Variants in UBE2E1 observed in about 807,000 individuals in gnomAD.
UBE2E1 encodes the protein ubiquitin-conjugating enzyme E2 E1.
Under a neutral mutation model 21.4 loss-of-function variants are expected in UBE2E1, and 6 were observed. That is an observed-to-expected ratio of 0.28 (90% CI 0.15 to 0.55). UBE2E1 has a LOEUF of 0.55. UBE2E1 is among the 20% of genes least tolerant of loss of function. The pLI is 0.93. For missense variants in UBE2E1, 142 were observed against 236.5 expected (o/e 0.60, Z 2.62); for synonymous variants, 87 against 82.7 (o/e 1.05, Z -0.28).
chr3:23,835,438 GCCTGAGCCACAGAACAAGACC>G lies in UBE2E1; in HGVS notation c.203+23929_203+23949del, dbSNP rs147971720. Among the ~76,000 whole-genome samples, 852 of 152,160 alleles carry G rather than the reference GCCTGAGCCACAGAACAAGACC, an allele frequency of 5.6e-3. 7 individuals carry two copies. Among genetic ancestry groups the G allele is most frequent in the African/African-American group, 0.019 (795 of 41,472 alleles). On this transcript the variant is annotated intron_variant, in intron 3 of 5. Coordinates refer to ENST00000306627, the MANE Select transcript of UBE2E1 (RefSeq NM_003341.5). Reference sequence around the variant, plus strand: ...GCTAGGATCATGCCAGTACACTCCAGCCTGAGCCACAGAACAAGACCTGCCTCAAAACAAAAACCAGAACAA... The same window carrying G: ...GCTAGGATCATGCCAGTACACTCCAGTGCCTCAAAACAAAAACCAGAACAA...
chr3:23,814,349 T>C lies in UBE2E1; in HGVS notation c.203+2839T>C, dbSNP rs377079044. On this transcript the variant is annotated intron_variant, in intron 3 of 5. Transcript: ENST00000306627. ...ATTAAATTCTTAATGTTGTATATTA[T>C]GTTGGGTGGATATTTTTTAGAACAC... Among the ~76,000 whole-genome samples, 20 of 152,256 alleles carry C rather than the reference T, an allele frequency of 1.3e-4. No homozygotes were observed. In the East Asian group the frequency reaches 1.5e-3, roughly 12 times the overall value.
intron 4 of UBE2E1, among the ~76,000 whole-genome samples, chr3:23,888,703 A>G: frequency 6.6e-6 from 1 of 151,102 alleles, no homozygotes; most frequent in South Asian, 2.1e-4. Context: ...ATGTTGTTTA[A>G]TTATCTTTAT....
At chr3:23,819,244 A>G (rs113371162) in intron 3 of UBE2E1, among the ~76,000 whole-genome samples, 4,236 of 152,274 alleles carry the variant, frequency 0.028, 235 homozygotes, top group African/African-American at 0.097. Flanking sequence ...AGATTGCGCC[A>G]CTGCACTCCA....
At chr3:23,885,071 G>A (rs1328085686) in intron 3 of UBE2E1, among the ~76,000 whole-genome samples, 1 of 152,168 alleles carries the variant, frequency 6.6e-6, no homozygotes, top group Non-Finnish European at 1.5e-5. Flanking sequence ...CACAGTTCTG[G>A]AGGCTAGAAA....
chr3:23,815,784 G>A (rs1699502577), intron 3 of UBE2E1, among the ~76,000 whole-genome samples: 1 of 152,220 alleles, frequency 6.6e-6, no homozygotes, highest in African/African-American at 2.4e-5. Context: ...GTGCTAAAAA[G>A]TATTCTTCCT....
At chr3:23,858,565 C>A (rs904488961) in intron 3 of UBE2E1, among the ~76,000 whole-genome samples, 3 of 152,142 alleles carry the variant, frequency 2.0e-5, no homozygotes, top group African/African-American at 7.2e-5. Context: ...GATGATCCAC[C>A]CACCTTGGCC....
intron 3 of UBE2E1, among the ~76,000 whole-genome samples, chr3:23,838,461 A>G (rs1421049108): frequency 1.3e-5 from 2 of 152,262 alleles, no homozygotes; most frequent in South Asian, 2.1e-4. Flanking sequence ...GACCATTAAC[A>G]TTTAATGTTA....
At position 23,816,248 on chromosome 3, in the gene UBE2E1, A is replaced by C. The variant is rs1313248695; in HGVS notation, c.203+4738A>C. On this transcript the variant is annotated intron_variant, in intron 3 of 5. Transcript: ENST00000306627. This position sits in a 1 kb window ranked among gnomAD's most constrained non-coding sequence, Gnocchi z 4.8. ...GGCTCAAACAGATAACCTGTATGTC[A>C]GTATTCATAGCATTATTCATAGTAG... Among the ~76,000 whole-genome samples the C allele has an allele frequency of 6.6e-6, 1 of 152,244 alleles. No individual in the cohort carries two copies. Among genetic ancestry groups the C allele is most frequent in the Non-Finnish European group, 1.5e-5 (1 of 68,036 alleles).
intron 3 of UBE2E1, among the ~76,000 whole-genome samples, chr3:23,813,050 A>G (rs1283506917): frequency 1.3e-5 from 2 of 151,508 alleles, no homozygotes; most frequent in Non-Finnish European, 2.9e-5. Flanking sequence ...AACTGAGTTT[A>G]TGTGTGAAAG....
chr3:23,840,705 G>A (rs528010668), intron 3 of UBE2E1, among the ~76,000 whole-genome samples: 8 of 152,264 alleles, frequency 5.3e-5, no homozygotes, highest in South Asian at 2.1e-4. Flanking sequence ...CTGGCATTGC[G>A]TAGTGTCCTC....
intron 3 of UBE2E1, among the ~76,000 whole-genome samples, chr3:23,846,965 C>T (rs1036560075): frequency 2.0e-5 from 3 of 151,746 alleles, no homozygotes; most frequent in African/African-American, 7.3e-5. Flanking sequence ...TGTGCGAGGT[C>T]AATATGTTAA....
chr3:23,859,540 C>CA (rs1700507246), intron 3 of UBE2E1, among the ~76,000 whole-genome samples: 1 of 152,228 alleles, frequency 6.6e-6, no homozygotes. Flanking sequence ...AAGCTTCTCT[C>CA]ACCTGAGCAA....
At chr3:23,871,003 C>T (rs1016064210) in intron 3 of UBE2E1, among the ~76,000 whole-genome samples, 8 of 152,206 alleles carry the variant, frequency 5.3e-5, no homozygotes, top group Non-Finnish European at 1.0e-4. Context: ...GGTAAGGTCA[C>T]AGATCAACAG....
chr3:23,814,047 C>T (rs1335003339), intron 3 of UBE2E1, among the ~76,000 whole-genome samples: 3 of 152,034 alleles, frequency 2.0e-5, no homozygotes, highest in Admixed American at 6.6e-5. Flanking sequence ...GTTTTAAACA[C>T]GTTATTAAAA....
Position 23,810,490 on chromosome 3 carries a change from C to G in UBE2E1, c.153-970C>G. Reference sequence around the variant, plus strand: ...GAGAGCGGACCATGAAGGAAGTGGGCAGACCCCGGGAAGTTAGAGGACGCC... The same window carrying G: ...GAGAGCGGACCATGAAGGAAGTGGGGAGACCCCGGGAAGTTAGAGGACGCC... On this transcript the variant is annotated intron_variant, in intron 2 of 5. Coordinates refer to ENST00000306627, the MANE Select transcript of UBE2E1 (RefSeq NM_003341.5). The surrounding 1 kb of genome is among the most constrained non-coding windows in gnomAD (Gnocchi z 5.8). 1.3e-6 allele frequency: 2 copies of G among 1,535,606 alleles called. No individual in the cohort carries two copies. Among genetic ancestry groups the G allele is most frequent in the South Asian group, 2.4e-5 (2 of 84,058 alleles).
chr3:23,875,917 C>T (rs1206166776), intron 3 of UBE2E1, among the ~76,000 whole-genome samples: 6 of 152,174 alleles, frequency 3.9e-5, no homozygotes, highest in South Asian at 2.1e-4. Context: ...GGATTACAGG[C>T]GCTCGCCACC....
intron 3 of UBE2E1, among the ~76,000 whole-genome samples, chr3:23,846,856 A>G (rs771633583): frequency 5.9e-5 from 9 of 152,158 alleles, no homozygotes; most frequent in Non-Finnish European, 1.2e-4. Context: ...AAAAATAGCT[A>G]GGTGTTTAGC....
At chr3:23,857,001 T>TTA (rs1700456091) in intron 3 of UBE2E1, among the ~76,000 whole-genome samples, 2 of 129,832 alleles carry the variant, frequency 1.5e-5, no homozygotes, top group African/African-American at 3.0e-5. Flanking sequence ...GGCTGTCTCT[T>TTA]AAAAAAAAAA....
At position 23,808,533 on chromosome 3, in the gene UBE2E1, G is replaced by A. The variant is rs1176399292; in HGVS notation, c.152+1112G>A. On this transcript the variant is annotated intron_variant, in intron 2 of 5. Transcript: ENST00000306627. This position sits in a 1 kb window ranked among gnomAD's most constrained non-coding sequence, Gnocchi z 4.9. ...ACTGAGTAGTGAGCCTGGAAGTCAG[G>A]GTTTGAGAGTTTGTTCTGTCATTCT... Among the ~76,000 whole-genome samples, 2 of 152,176 alleles carry A rather than the reference G, an allele frequency of 1.3e-5. No homozygotes were observed. Among genetic ancestry groups the A allele is most frequent in the Non-Finnish European group, 2.9e-5 (2 of 68,024 alleles).
Sources: allele counts gnomAD v4.1 joint callset (sites outside exome capture counted in the v4.1 genomes callset), GRCh38; gene constraint gnomAD v4.1.1; non-coding constraint Gnocchi (gnomAD v3.1); transcripts MANE v1.5; gene names NCBI Gene and HGNC (gene_info 2026-07-23, HGNC 2026-07-21).